The following EFCAB6 variants were observed in gnomAD, a reference collection of about 807,000 sequenced individuals.
EFCAB6 encodes the protein EF-hand calcium binding domain 6.
A neutral mutation model predicts 169.8 loss-of-function variants in EFCAB6; 156 were observed. The ratio of observed to expected loss-of-function variants is 0.92; its 90% CI spans 0.81 to 1.05. The LOEUF (loss-of-function observed/expected upper bound fraction) is 1.05. Ranked by LOEUF, EFCAB6 falls within the 50% of genes least tolerant of loss-of-function variation. The pLI, the probability that EFCAB6 is intolerant of heterozygous loss-of-function variation, is 0.00. For synonymous variants in EFCAB6, 698 were observed against 676.4 expected (o/e 1.03, Z -0.50); for missense variants, 1,800 against 1,829.1 (o/e 0.98, Z 0.29).
chr22:43,707,108 G>A (rs577732498), intron 10 of EFCAB6, among the ~76,000 whole-genome samples: 19 of 152,298 alleles, frequency 1.2e-4, no homozygotes, highest in African/African-American at 4.6e-4. Context: ...GAAATCTAGT[G>A]TAGGCTCAAA....
chr22:43,735,862 G>A lies in EFCAB6; in HGVS notation c.639C>T (p.Tyr213=), dbSNP rs536818309. Residue 213 remains tyrosine (Y), a synonymous_variant, in exon 7 of 32, where the codon TAC becomes TAT. Coordinates refer to ENST00000262726, the MANE Select transcript of EFCAB6 (RefSeq NM_022785.4). ...TFCMKLRDEE[Y]EKFSKHYNIH... Reference sequence around the variant, plus strand: ...CCGTGCCTTCATTTGCTTACTTTTCGTATTCCTCGTCTCTTAACTTCATAC... The same window carrying A: ...CCGTGCCTTCATTTGCTTACTTTTCATATTCCTCGTCTCTTAACTTCATAC... The A allele has an allele frequency of 1.2e-5, 19 of 1,611,364 alleles. No individual in the cohort carries two copies. The highest frequency in any genetic ancestry group is 1.7e-4 in the Middle Eastern group (1 of 6,044).
chr22:43,688,889 T>C (rs1272000933), intron 10 of EFCAB6, among the ~76,000 whole-genome samples: 3 of 152,240 alleles, frequency 2.0e-5, no homozygotes, highest in African/African-American at 7.2e-5. Context: ...CCTGTTTTGA[T>C]TGCTAAAAAT....
rs146764020 is a variant in EFCAB6, at chr22:43,640,084, G to T, written c.1984-4868C>A. Among the ~76,000 whole-genome samples, 710 of 151,924 alleles carry T rather than the reference G, an allele frequency of 4.7e-3. 4 individuals are homozygous for T. The highest frequency in any genetic ancestry group is 0.016 in the African/African-American group (670 of 41,416). On this transcript the variant is annotated intron_variant, in intron 17 of 31. Coordinates refer to ENST00000262726, the MANE Select transcript of EFCAB6 (RefSeq NM_022785.4). ...TGTATCACTGAGCATTTTTATAATG[G>T]TTACTTTAAAGTCTTTGAGTGTTAA...
At chr22:43,696,898 C>T (rs2058595899) in intron 10 of EFCAB6, among the ~76,000 whole-genome samples, 2 of 152,034 alleles carry the variant, frequency 1.3e-5, no homozygotes, top group Non-Finnish European at 2.9e-5. Context: ...AATTGCGAAA[C>T]TCAATTAAAA....
intron 11 of EFCAB6, among the ~76,000 whole-genome samples, chr22:43,687,021 A>G (rs1300955015): frequency 6.6e-6 from 1 of 152,252 alleles, no homozygotes; most frequent in African/African-American, 2.4e-5. Context: ...ATGACCCATG[A>G]TATCTGGGCC....
rs548465413 is a variant in EFCAB6 at position 43,586,882 on chromosome 22, G to C, written c.3032+3192C>G. 2.6e-4 allele frequency among the ~76,000 whole-genome samples: 39 copies of C among 152,250 alleles called. No individual in the cohort carries two copies. The South Asian group carries it at 8.1e-3, about 32-fold the overall frequency. On this transcript the variant is annotated intron_variant, in intron 24 of 31. Transcript: ENST00000262726. ...GCCCTTGCAATGGTTCTGATGCTTG[G>C]AGTTTGGGGACCGCTGGCATAAACT...
At chr22:43,688,430 G>A (rs565995826) in intron 10 of EFCAB6, among the ~76,000 whole-genome samples, 34 of 152,282 alleles carry the variant, frequency 2.2e-4, no homozygotes, top group Admixed American at 1.8e-3. Context: ...TTGGAAAATT[G>A]TTCAAAAAAC....
At chr22:43,646,656 C>T (rs1043030559) in intron 17 of EFCAB6, among the ~76,000 whole-genome samples, 10 of 152,236 alleles carry the variant, frequency 6.6e-5, no homozygotes, top group African/African-American at 2.4e-4. Context: ...AAAATTAATT[C>T]CACATGGATT....
At chr22:43,646,783 A>C (rs2148019783) in intron 17 of EFCAB6, among the ~76,000 whole-genome samples, 1 of 152,366 alleles carries the variant, frequency 6.6e-6, no homozygotes, top group Admixed American at 6.5e-5. Context: ...ATTCTGACTG[A>C]TATGTTAGCA....
At chr22:43,784,669 A>ATGTG (rs765864691) in intron 2 of EFCAB6, among the ~76,000 whole-genome samples, 12 of 60,372 alleles carry the variant, frequency 2.0e-4, no homozygotes, top group Admixed American at 1.8e-3. Flanking sequence ...ATATACATAT[A>ATGTG]CATATATACA....
chr22:43,772,518 G>A lies in EFCAB6; in HGVS notation c.351+374C>T, dbSNP rs188811996. ...CCAGGCATCATGGTGGCCCACGCCT[G>A]TAATCCCAGCTACTCAGGAGGCTGA... On this transcript the variant is annotated intron_variant, in intron 4 of 31. Coordinates refer to ENST00000262726, the MANE Select transcript of EFCAB6 (RefSeq NM_022785.4). Among the ~76,000 whole-genome samples, 148 of 152,068 alleles carry A rather than the reference G, an allele frequency of 9.7e-4. 1 individual carries two copies. Among genetic ancestry groups the A allele is most frequent in the African/African-American group, 3.4e-3 (143 of 41,486 alleles).
chr22:43,561,179 A>G (rs1382989866), intron 26 of EFCAB6, among the ~76,000 whole-genome samples: 1 of 152,046 alleles, frequency 6.6e-6, no homozygotes, highest in African/African-American at 2.4e-5. Context: ...CAATACAGCG[A>G]AAGTTCGTCT....
intron 10 of EFCAB6, among the ~76,000 whole-genome samples, chr22:43,704,199 G>A (rs1337657031): frequency 6.6e-6 from 1 of 152,086 alleles, no homozygotes; most frequent in East Asian, 1.9e-4. Flanking sequence ...ACAGGAGAGA[G>A]TGGGATGATA....
At chr22:43,756,779 G>A (rs1280775204) in intron 5 of EFCAB6, among the ~76,000 whole-genome samples, 2 of 152,214 alleles carry the variant, frequency 1.3e-5, no homozygotes, top group African/African-American at 4.8e-5. Context: ...TGGATGGAGT[G>A]GGTAGCAGAA....
chr22:43,710,498 C>T (rs778894549), intron 10 of EFCAB6, among the ~76,000 whole-genome samples: 5 of 152,094 alleles, frequency 3.3e-5, no homozygotes, highest in African/African-American at 4.8e-5. Flanking sequence ...GCCAGGGAAC[C>T]AGCTCATTAT....
At chr22:43,551,854 G>T (rs2048401549) in intron 27 of EFCAB6, 1 of 147,782 alleles carries the variant, frequency 6.8e-6, no homozygotes, top group Middle Eastern at 3.2e-3. Context: ...TTGAGACAGA[G>T]TCTTGCTCTT....
At chr22:43,625,738 C>T (rs987190108) in intron 20 of EFCAB6, among the ~76,000 whole-genome samples, 2 of 152,208 alleles carry the variant, frequency 1.3e-5, no homozygotes, top group Admixed American at 1.3e-4. Context: ...CTTCTCAGTG[C>T]CCATCAATTA....
intron 24 of EFCAB6, among the ~76,000 whole-genome samples, chr22:43,584,675 G>C (rs988320304): frequency 6.6e-6 from 1 of 152,002 alleles, no homozygotes; most frequent in African/African-American, 2.4e-5. Context: ...TAGCATTCCT[G>C]TTTTACCTAA....
At chr22:43,645,923 G>T (rs887178824) in intron 17 of EFCAB6, among the ~76,000 whole-genome samples, 1 of 152,074 alleles carries the variant, frequency 6.6e-6, no homozygotes, top group African/African-American at 2.4e-5. Context: ...ATGTCAAGGG[G>T]AATTCCAGGC....
Sources: allele counts gnomAD v4.1 joint callset (sites outside exome capture counted in the v4.1 genomes callset), GRCh38; gene constraint gnomAD v4.1.1; transcripts MANE v1.5; gene names NCBI Gene and HGNC (gene_info 2026-07-23, HGNC 2026-07-21).